The following SFMBT2 variants were observed in gnomAD, a reference collection of about 807,000 sequenced individuals.
SFMBT2 encodes the protein scm-like with four MBT domains protein 2.
SFMBT2 carries 38 observed loss-of-function variants against 110.1 expected under a neutral mutation model. The ratio of observed to expected loss-of-function variants is 0.35; its 90% confidence interval spans 0.27 to 0.45. The LOEUF (loss-of-function observed/expected upper bound fraction) is 0.45. Ranked by LOEUF, SFMBT2 falls within the 20% of genes least tolerant of loss-of-function variation. The pLI is 1.00. For synonymous variants in SFMBT2, 425 were observed against 425.4 expected (o/e 1.00, Z 0.01); for missense variants, 1,011 against 1,094.9 (o/e 0.92, Z 1.08).
At chr10:7,271,121 C>T (rs939679227) in intron 7 of SFMBT2, among the ~76,000 whole-genome samples, 4 of 151,864 alleles carry the variant, frequency 2.6e-5, no homozygotes, top group South Asian at 4.2e-4. Context: ...CCCAGCTCTA[C>T]TAAAAATACA....
In SFMBT2 at chr10:7,314,436, C is replaced by T. The variant is rs146144500; in HGVS notation, c.437-28482G>A. Among the ~76,000 whole-genome samples the T allele has an allele frequency of 3.4e-3, 517 of 152,342 alleles. 2 individuals carry two copies. The highest frequency in any genetic ancestry group is 5.8e-3 in the Non-Finnish European group (396 of 68,036). Reference sequence around the variant, plus strand: ...AACTGCTAGGCAGCTATGCAAACCACACAAGAGATACCCGGAAGAATGAAC... The same window carrying T: ...AACTGCTAGGCAGCTATGCAAACCATACAAGAGATACCCGGAAGAATGAAC... On this transcript the variant is annotated intron_variant, in intron 4 of 20. Coordinates refer to ENST00000397167, the MANE Select transcript of SFMBT2 (RefSeq NM_001387889.1).
chr10:7,349,881 G>A (rs1844253249), intron 4 of SFMBT2, among the ~76,000 whole-genome samples: 1 of 152,134 alleles, frequency 6.6e-6, no homozygotes, highest in African/African-American at 2.4e-5. Flanking sequence ...AGTATTTGAT[G>A]GACTGAAGAT....
At chr10:7,390,986 G>T (rs1420802135) in intron 1 of SFMBT2, among the ~76,000 whole-genome samples, 1 of 151,944 alleles carries the variant, frequency 6.6e-6, no homozygotes, top group Admixed American at 6.6e-5. Flanking sequence ...TGTCATCCCA[G>T]CTACTTGAGA....
At chr10:7,231,375 T>C (rs942851239) in intron 9 of SFMBT2, among the ~76,000 whole-genome samples, 1 of 152,188 alleles carries the variant, frequency 6.6e-6, no homozygotes, top group Non-Finnish European at 1.5e-5. Context: ...GAAAACTATA[T>C]AGAAAAATAG....
chr10:7,352,594 C>A (rs1007529214), intron 4 of SFMBT2, among the ~76,000 whole-genome samples: 4 of 152,194 alleles, frequency 2.6e-5, no homozygotes, highest in Admixed American at 2.6e-4. Context: ...AGTCCCCACC[C>A]AGAATAGAGG....
chr10:7,226,869 G>A (rs141498923), intron 10 of SFMBT2, among the ~76,000 whole-genome samples: 65 of 152,268 alleles, frequency 4.3e-4, no homozygotes, highest in African/African-American at 1.6e-3. Flanking sequence ...TCTCAGAGCT[G>A]TATGTAGTAT....
rs545855382 is a variant in SFMBT2, at chr10:7,375,743, A to T, written c.101-5368T>A. Reference sequence around the variant, plus strand: ...ATGGCCAGAGTTACTCTAGGAGAAAAGAAAAAACCACACACACACACACAC... The same window carrying T: ...ATGGCCAGAGTTACTCTAGGAGAAATGAAAAAACCACACACACACACACAC... On this transcript the variant is annotated intron_variant, in intron 2 of 20. Transcript: ENST00000397167. 4.8e-4 allele frequency among the ~76,000 whole-genome samples: 67 copies of T among 138,952 alleles called. No individual in the cohort carries two copies. The East Asian group carries it at 0.012, about 26-fold the overall frequency. The allele number at this position is 138,952 out of a possible 152,430, so 91.2% of individuals were successfully genotyped here. A position where few individuals can be genotyped will look rare whatever the true frequency, so the allele number is the denominator to read the frequency against.
At chr10:7,403,136 A>C (rs1284356376) in intron 1 of SFMBT2, among the ~76,000 whole-genome samples, 3 of 152,210 alleles carry the variant, frequency 2.0e-5, no homozygotes, top group Non-Finnish European at 4.4e-5. Flanking sequence ...CAGTAATGTA[A>C]GCTTCATTGA....
chr10:7,259,215 C>A (rs1294672474), intron 7 of SFMBT2, among the ~76,000 whole-genome samples: 1 of 152,140 alleles, frequency 6.6e-6, no homozygotes, highest in Admixed American at 6.5e-5. Context: ...TTTGCCCTTC[C>A]CAGACACCAA....
chr10:7,206,492 G>A (rs1047249326), intron 11 of SFMBT2: 3 of 984,904 alleles, frequency 3.0e-6, no homozygotes, highest in African/African-American at 1.8e-5. Context: ...CCTTCTCTAG[G>A]AAACCTGACA....
At chr10:7,406,568 G>GAA (rs1846215390) in intron 1 of SFMBT2, among the ~76,000 whole-genome samples, 2 of 151,992 alleles carry the variant, frequency 1.3e-5, no homozygotes, top group African/African-American at 4.8e-5. Context: ...ACGAAACAGG[G>GAA]AAGAGTCAGG....
intron 1 of SFMBT2, among the ~76,000 whole-genome samples, chr10:7,382,683 A>G (rs1845459435): frequency 6.6e-6 from 1 of 152,074 alleles, no homozygotes; most frequent in African/African-American, 2.4e-5. Context: ...TGCAACACGC[A>G]GTGCCCTGCC....
At chr10:7,285,080 A>AT (rs1344965510) in intron 5 of SFMBT2, 1 of 152,238 alleles carries the variant, frequency 6.6e-6, no homozygotes, top group Non-Finnish European at 1.5e-5. Flanking sequence ...GGTTAAGAGA[A>AT]TATGATACTG....
At chr10:7,173,299 C>T (rs1164488388) in intron 17 of SFMBT2, among the ~76,000 whole-genome samples, 3 of 152,170 alleles carry the variant, frequency 2.0e-5, no homozygotes, top group Non-Finnish European at 4.4e-5. Context: ...TGACATCCAC[C>T]GGAGTGCTCT....
chr10:7,279,759 T>C (rs1458591130), intron 6 of SFMBT2, among the ~76,000 whole-genome samples: 2 of 152,188 alleles, frequency 1.3e-5, no homozygotes, highest in Non-Finnish European at 2.9e-5. Flanking sequence ...GGGCATTTCC[T>C]AATAAGTGCC....
rs981011190 is a variant in SFMBT2 at position 7,301,056 on chromosome 10, A to T, written c.437-15102T>A. ...ATGGAAAACAGGAATGTAAGCAGGT[A>T]ACTCAGTGAAGGAAGGAGTAAACCC... On this transcript the variant is annotated intron_variant, in intron 4 of 20. Transcript: ENST00000397167. This position sits in a 1 kb window ranked among gnomAD's most constrained non-coding sequence, Gnocchi z 4.2. Among the ~76,000 whole-genome samples, 7 of 152,224 alleles carry T rather than the reference A, an allele frequency of 4.6e-5. No individual in the cohort carries two copies. The highest frequency in any genetic ancestry group is 4.6e-4 in the Admixed American group (7 of 15,288).
intron 16 of SFMBT2, among the ~76,000 whole-genome samples, chr10:7,183,804 G>T (rs996418598): frequency 2.0e-4 from 31 of 152,158 alleles, no homozygotes; most frequent in African/African-American, 7.5e-4. Flanking sequence ...CAATCTATTT[G>T]TTCTTCTGAC....
At chr10:7,337,663 C>T (rs1437955146) in intron 4 of SFMBT2, among the ~76,000 whole-genome samples, 1 of 152,098 alleles carries the variant, frequency 6.6e-6, no homozygotes, top group Non-Finnish European at 1.5e-5. Context: ...AATCGTGAGC[C>T]AATTACACCT....
In SFMBT2 at chr10:7,159,392, TGATAG is replaced by T. The variant is rs1837490671; in HGVS notation, c.*4373_*4377del. On this transcript the variant is annotated 3_prime_UTR_variant, in exon 21 of 21. Coordinates refer to ENST00000397167, the MANE Select transcript of SFMBT2 (RefSeq NM_001387889.1). ...TTGGGGTATCTGCAAACCATTCTAGTGATAGAGCTATGAGAACTGGTCAACTTAAG... is the reference window on the plus strand; with the variant it reads ...TTGGGGTATCTGCAAACCATTCTAGTAGCTATGAGAACTGGTCAACTTAAG... 1 of 152,320 alleles carries T rather than the reference TGATAG, an allele frequency of 6.6e-6. No individual in the cohort carries two copies. The highest frequency in any genetic ancestry group is 1.9e-4 in the East Asian group (1 of 5,194). The allele number at this position is 152,320 out of a possible 1,614,324, so 9.4% of individuals were successfully genotyped here.
Sources: gnomAD v4.1 joint callset for allele counts (sites outside exome capture counted in the v4.1 genomes callset) on GRCh38, gnomAD v4.1.1 for gene constraint, Gnocchi (gnomAD v3.1) non-coding constraint, MANE v1.5 for transcripts, NCBI Gene and HGNC (gene_info 2026-07-23, HGNC 2026-07-21) for gene names.